Variants in ANO6 observed in about 807,000 individuals in gnomAD.
ANO6 encodes the protein anoctamin 6, also known as anoctamin-6.
ANO6 carries 106 observed loss-of-function variants against 117.5 expected under a neutral mutation model. That is an observed-to-expected ratio of 0.90 (90% CI 0.77 to 1.06). The LOEUF (loss-of-function observed/expected upper bound fraction) is 1.06. Ranked by LOEUF, ANO6 falls within the 50% of genes least tolerant of loss-of-function variation. ANO6 has a pLI of 0.00. For synonymous variants in ANO6, 367 were observed against 385.1 expected (o/e 0.95, Z 0.55); for missense variants, 955 against 1,121.1 (o/e 0.85, Z 2.12).
intron 1 of ANO6, 65 bp from the exon 2 acceptor site, chr12:45,301,949 G>C (rs990074188): frequency 5.8e-6 from 8 of 1,381,670 alleles, no homozygotes; most frequent in Non-Finnish European, 8.3e-6. Flanking sequence ...TGATTTAAAA[G>C]TACAGAACTA....
In ANO6 at chr12:45,392,386, G is replaced by A. The variant is rs180999053; in HGVS notation, c.1386+1888G>A. Among the ~76,000 whole-genome samples, 198 of 152,310 alleles carry A rather than the reference G, an allele frequency of 1.3e-3. 2 individuals are homozygous for A. The highest frequency in any genetic ancestry group is 8.1e-3 in the South Asian group (39 of 4,822). ...GCAGAGCCCACCGCAGCTCAACAAGGCCTAATGCATCCAGACTCCACCTCT... is the reference window on the plus strand; with the variant it reads ...GCAGAGCCCACCGCAGCTCAACAAGACCTAATGCATCCAGACTCCACCTCT... On this transcript the variant is annotated intron_variant, in intron 12 of 19. Coordinates refer to ENST00000320560, the MANE Select transcript of ANO6 (RefSeq NM_001025356.3).
chr12:45,349,915 G>C (rs1167573958), intron 6 of ANO6, among the ~76,000 whole-genome samples: 1 of 152,178 alleles, frequency 6.6e-6, no homozygotes, highest in Non-Finnish European at 1.5e-5. Flanking sequence ...GTTGACATTT[G>C]CTTTTGGCCA....
At chr12:45,254,972 G>A (rs1323591904) in intron 1 of ANO6, among the ~76,000 whole-genome samples, 1 of 152,130 alleles carries the variant, frequency 6.6e-6, no homozygotes, top group Non-Finnish European at 1.5e-5. Context: ...TATATTTTAT[G>A]ATTGAGAATA....
chr12:45,392,969 C>T (rs558272159), intron 12 of ANO6, among the ~76,000 whole-genome samples: 6 of 152,302 alleles, frequency 3.9e-5, no homozygotes, highest in South Asian at 2.1e-4. Context: ...TCGCCAGCAA[C>T]GGAACAAAGC....
At chr12:45,300,496 T>G (rs149620786) in intron 1 of ANO6, among the ~76,000 whole-genome samples, 2 of 152,290 alleles carry the variant, frequency 1.3e-5, no homozygotes, top group East Asian at 3.9e-4. Context: ...TTTTTTATAG[T>G]TTTATACTTA....
intron 7 of ANO6, among the ~76,000 whole-genome samples, chr12:45,355,340 T>A (rs1941382730): frequency 6.6e-6 from 1 of 152,098 alleles, no homozygotes; most frequent in Admixed American, 6.5e-5. Flanking sequence ...CTTTCTGGCC[T>A]TGCCTACAAT....
At chr12:45,288,546 A>G (rs1047509714) in intron 1 of ANO6, among the ~76,000 whole-genome samples, 1 of 152,082 alleles carries the variant, frequency 6.6e-6, no homozygotes, top group Non-Finnish European at 1.5e-5. Context: ...CTCAAGATTA[A>G]TCTATGTTGT....
intron 19 of ANO6, among the ~76,000 whole-genome samples, chr12:45,424,080 G>A (rs1168733340): frequency 2.0e-5 from 3 of 151,600 alleles, no homozygotes; most frequent in Admixed American, 1.3e-4. Flanking sequence ...AGTAACTCAC[G>A]GTTAGTATCT....
rs1943599232 is a variant in ANO6, at chr12:45,430,136, T to G, written c.*825T>G. ...CATGTTGATCTGGATAATTAATCTT[T>G]TCTAAAGATGTGTAGTTTCTTGGAA... On this transcript the variant is annotated 3_prime_UTR_variant, in exon 20 of 20. Coordinates refer to ENST00000320560, the MANE Select transcript of ANO6 (RefSeq NM_001025356.3). 1 of 985,298 alleles carries G rather than the reference T, an allele frequency of 1.0e-6. No individual in the cohort carries two copies. The highest frequency in any genetic ancestry group is 1.7e-5 in the African/African-American group (1 of 57,246). 61.0% of individuals were successfully genotyped at this position (985,298 alleles called of 1,614,324 possible).
chr12:45,416,245 C>T (rs1196167061), intron 16 of ANO6, among the ~76,000 whole-genome samples: 2 of 152,154 alleles, frequency 1.3e-5, no homozygotes, highest in Admixed American at 6.5e-5. Flanking sequence ...TTTCTTCTAA[C>T]GTTCTCTAAG....
rs534863736 is a variant in ANO6 at position 45,269,430 on chromosome 12, G to A, written c.71-32584G>A. ...AGAGGTAGCTTATGCCCTTATTAGT[G>A]TAAATATTTCTGAGGCTTTGGTTTT... On this transcript the variant is annotated intron_variant, in intron 1 of 19. Transcript: ENST00000320560. Among the ~76,000 whole-genome samples, 8 of 152,336 alleles carry A rather than the reference G, an allele frequency of 5.3e-5. No individual in the cohort carries two copies. In the South Asian group the frequency reaches 1.4e-3, roughly 28 times the overall value.
chr12:45,343,555 C>G (rs994470290), intron 3 of ANO6, among the ~76,000 whole-genome samples: 1 of 152,134 alleles, frequency 6.6e-6, no homozygotes, highest in Non-Finnish European at 1.5e-5. Flanking sequence ...AGGTTTTGGT[C>G]TAACACGTTT....
intron 10 of ANO6, among the ~76,000 whole-genome samples, chr12:45,382,848 C>T (rs987480269): frequency 1.3e-5 from 2 of 152,162 alleles, no homozygotes; most frequent in African/African-American, 2.4e-5. Flanking sequence ...AATCTTTTTG[C>T]TGTGAGAGGG....
chr12:45,317,116 T>TATAC, intron 2 of ANO6, among the ~76,000 whole-genome samples: 1 of 92,452 alleles, frequency 1.1e-5, no homozygotes, highest in Non-Finnish European at 2.8e-5. Context: ...TTTATATGTA[T>TATAC]ATATATATAT....
rs145147549 is a variant in ANO6 at position 45,258,001 on chromosome 12, T to C, written c.70+41610T>C. Among the ~76,000 whole-genome samples, 608 of 151,984 alleles carry C rather than the reference T, an allele frequency of 4.0e-3. 3 individuals carry two copies. Among genetic ancestry groups the C allele is most frequent in the African/African-American group, 0.013 (552 of 41,440 alleles). On this transcript the variant is annotated intron_variant, in intron 1 of 19. Transcript: ENST00000320560. ...TCCCAAAGCGATTTTTCTGAGAAAATTGGAAAAAGTAATTCACTTATAAAT... is the reference window on the plus strand; with the variant it reads ...TCCCAAAGCGATTTTTCTGAGAAAACTGGAAAAAGTAATTCACTTATAAAT...
At chr12:45,386,202 G>A (rs1942293860) in intron 10 of ANO6, among the ~76,000 whole-genome samples, 1 of 152,156 alleles carries the variant, frequency 6.6e-6, no homozygotes, top group Non-Finnish European at 1.5e-5. Flanking sequence ...CAGCCAGGGT[G>A]TGATTACTAC....
intron 3 of ANO6, among the ~76,000 whole-genome samples, chr12:45,336,828 G>A (rs1768814703): frequency 6.6e-6 from 1 of 151,894 alleles, no homozygotes; most frequent in African/African-American, 2.4e-5. Flanking sequence ...ACAGCCTCAG[G>A]CAGGTACTTC....
At chr12:45,363,887 G>T (rs1941619617) in intron 8 of ANO6, among the ~76,000 whole-genome samples, 1 of 152,180 alleles carries the variant, frequency 6.6e-6, no homozygotes, top group Non-Finnish European at 1.5e-5. Context: ...TCCCAGCCAT[G>T]TGGAACTGTG....
chr12:45,287,887 AT>A lies in ANO6; in HGVS notation c.71-14120del, dbSNP rs138597863. On this transcript the variant is annotated intron_variant, in intron 1 of 19. Transcript: ENST00000320560. ...CACTACTCCTTATCCTTTTGCTTAC[AT>A]TTTTTTAACCCCATATAAGTCTTAG... is the stretch of plus-strand genomic sequence containing the variant. Among the ~76,000 whole-genome samples the A allele has an allele frequency of 9.6e-3, 1,464 of 152,254 alleles. 24 individuals carry two copies. Among genetic ancestry groups the A allele is most frequent in the African/African-American group, 0.033 (1,375 of 41,544 alleles).
Sources: gnomAD v4.1 joint callset for allele counts (sites outside exome capture counted in the v4.1 genomes callset) on GRCh38, gnomAD v4.1.1 for gene constraint, MANE v1.5 for transcripts, NCBI Gene and HGNC (gene_info 2026-07-23, HGNC 2026-07-21) for gene names.